CTNND2: variants seen among roughly 807,000 people sequenced by gnomAD.
The protein encoded by CTNND2 is catenin delta-2.
A neutral mutation model predicts 144.4 loss-of-function variants in CTNND2; 22 were observed. The observed-to-expected ratio is 0.15, with a 90% CI of 0.11 to 0.22. The LOEUF (loss-of-function observed/expected upper bound fraction) is 0.22, where lower values mean the gene tolerates loss of function less well. Among genes scored for constraint, CTNND2 ranks in the 10% least tolerant of loss-of-function variants. CTNND2 has a pLI of 1.00. For synonymous variants in CTNND2, 751 were observed against 695.6 expected (o/e 1.08, Z -1.25); for missense variants, 1,353 against 1,618.8 (o/e 0.84, Z 2.82).
At chr5:11,776,991 T>A (rs185736596) in intron 1 of CTNND2, among the ~76,000 whole-genome samples, 1 of 152,310 alleles carries the variant, frequency 6.6e-6, no homozygotes, top group South Asian at 2.1e-4. Flanking sequence ...TCAAAAAGGA[T>A]AATCTATTGG....
intron 9 of CTNND2, among the ~76,000 whole-genome samples, chr5:11,255,846 G>C (rs553693798): frequency 6.6e-6 from 1 of 152,290 alleles, no homozygotes; most frequent in African/African-American, 2.4e-5. Flanking sequence ...TCTTGCTTTG[G>C]AAACTGTGAT....
chr5:11,577,118 T>C (rs1273849972), intron 2 of CTNND2, among the ~76,000 whole-genome samples: 1 of 152,224 alleles, frequency 6.6e-6, no homozygotes, highest in African/African-American at 2.4e-5. Context: ...TTTTGACTTA[T>C]TATTATGTTT....
intron 12 of CTNND2, among the ~76,000 whole-genome samples, chr5:11,140,065 A>T (rs1756571494): frequency 6.6e-6 from 1 of 152,240 alleles, no homozygotes; most frequent in Non-Finnish European, 1.5e-5. Context: ...TTTTAAGGTC[A>T]GGTGTTAGCA....
At chr5:11,553,160 C>T (rs1775915779) in intron 3 of CTNND2, among the ~76,000 whole-genome samples, 1 of 152,190 alleles carries the variant, frequency 6.6e-6, no homozygotes, top group South Asian at 2.1e-4. Flanking sequence ...TGCACTATCA[C>T]TCTTCTTTTT....
intron 16 of CTNND2, among the ~76,000 whole-genome samples, chr5:11,036,310 C>T (rs1456682409): frequency 6.6e-6 from 1 of 152,152 alleles, no homozygotes; most frequent in South Asian, 2.1e-4. Flanking sequence ...CTGAGCCAAG[C>T]TGAAGTTACG....
At chr5:11,518,814 T>C (rs1250360030) in intron 3 of CTNND2, among the ~76,000 whole-genome samples, 2 of 152,156 alleles carry the variant, frequency 1.3e-5, no homozygotes, top group Non-Finnish European at 2.9e-5. Context: ...GCTAGACCAC[T>C]AGGTCTGTGT....
At chr5:11,512,241 T>C (rs1227211957) in intron 3 of CTNND2, among the ~76,000 whole-genome samples, 3 of 152,230 alleles carry the variant, frequency 2.0e-5, no homozygotes, top group Admixed American at 6.5e-5. Context: ...AATATTCATT[T>C]TGAACTAGAC....
chr5:11,205,552 T>A (rs1737955315), intron 10 of CTNND2, among the ~76,000 whole-genome samples: 1 of 152,150 alleles, frequency 6.6e-6, no homozygotes, highest in Non-Finnish European at 1.5e-5. Context: ...ACTAAGCAGA[T>A]GTATGTAGAA....
intron 1 of CTNND2, among the ~76,000 whole-genome samples, chr5:11,833,220 A>G (rs1192194003): frequency 1.3e-5 from 2 of 152,204 alleles, no homozygotes; most frequent in Non-Finnish European, 2.9e-5. Flanking sequence ...ATGACTGAAA[A>G]CAATGTCAAA....
chr5:11,507,987 A>ATT (rs33991357), intron 3 of CTNND2, among the ~76,000 whole-genome samples: 3 of 147,494 alleles, frequency 2.0e-5, no homozygotes, highest in South Asian at 2.2e-4. Flanking sequence ...AAAGAAATGG[A>ATT]TTTTTTTTTT....
chr5:11,789,771 T>C (rs1224061654), intron 1 of CTNND2, among the ~76,000 whole-genome samples: 3 of 152,214 alleles, frequency 2.0e-5, no homozygotes, highest in African/African-American at 7.2e-5. Context: ...TTGGAAGTGA[T>C]ACAAAGCATA....
At chr5:11,507,910 C>G (rs1247474151) in intron 3 of CTNND2, among the ~76,000 whole-genome samples, 1 of 151,922 alleles carries the variant, frequency 6.6e-6, no homozygotes, top group African/African-American at 2.4e-5. Flanking sequence ...TGGGAAACCT[C>G]GTTGAATGGG....
At chr5:11,852,291 T>C (rs1417857238) in intron 1 of CTNND2, among the ~76,000 whole-genome samples, 1 of 151,946 alleles carries the variant, frequency 6.6e-6, no homozygotes. Context: ...TTTTTTTAAG[T>C]GCGTTCTTAA....
intron 1 of CTNND2, among the ~76,000 whole-genome samples, chr5:11,832,022 G>A (rs1793930606): frequency 6.6e-6 from 1 of 152,156 alleles, no homozygotes; most frequent in Non-Finnish European, 1.5e-5. Context: ...AGTGGCTTAT[G>A]CCTGTAATCC....
At chr5:11,082,444 T>C (rs1000249798) in intron 16 of CTNND2, among the ~76,000 whole-genome samples, 5 of 152,234 alleles carry the variant, frequency 3.3e-5, no homozygotes, top group South Asian at 2.1e-4. Context: ...CGGTATCCTG[T>C]GCCGAGCATT....
intron 16 of CTNND2, among the ~76,000 whole-genome samples, chr5:11,048,269 T>C (rs1038025552): frequency 1.3e-5 from 2 of 152,124 alleles, no homozygotes; most frequent in Admixed American, 1.3e-4. Flanking sequence ...AACCAAACCA[T>C]GGCAAACAGT....
At chr5:11,531,093 T>C (rs530376221) in intron 3 of CTNND2, among the ~76,000 whole-genome samples, 7 of 152,342 alleles carry the variant, frequency 4.6e-5, no homozygotes, top group Non-Finnish European at 7.3e-5. Context: ...AAAATGTTGA[T>C]ACCTTGTTAG....
intron 15 of CTNND2, among the ~76,000 whole-genome samples, chr5:11,098,203 A>C (rs1254548414): frequency 6.6e-6 from 1 of 152,172 alleles, no homozygotes; most frequent in Non-Finnish European, 1.5e-5. Context: ...GATTTTACAC[A>C]GGTATTTGAG....
intron 9 of CTNND2, among the ~76,000 whole-genome samples, chr5:11,314,429 C>T (rs534543863): frequency 1.3e-5 from 2 of 152,332 alleles, no homozygotes; most frequent in South Asian, 2.1e-4. Flanking sequence ...GAGCTCACTG[C>T]AGCCTCTACC....
Sources: gnomAD v4.1 joint callset for allele counts (sites outside exome capture counted in the v4.1 genomes callset) on GRCh38, gnomAD v4.1.1 for gene constraint, MANE v1.5 for transcripts, NCBI Gene and HGNC (gene_info 2026-07-23, HGNC 2026-07-21) for gene names.